The following SLC60A1 variants were observed in gnomAD, a reference collection of about 807,000 sequenced individuals.
SLC60A1 encodes the protein major facilitator superfamily domain containing 4.
the SLC60A1 span, among the ~76,000 whole-genome samples, chr1:205,590,983 G>T: frequency 1.3e-5 from 2 of 152,178 alleles, no homozygotes; most frequent in Non-Finnish European, 2.9e-5. Context: ...AGAGCAATCA[G>T]CTACTTCTGG....
the SLC60A1 span, among the ~76,000 whole-genome samples, chr1:205,574,262 C>T: frequency 6.6e-6 from 1 of 151,862 alleles, no homozygotes; most frequent in South Asian, 2.1e-4. Context: ...GCCTGGGCAA[C>T]ACAGTGAGAC....
the SLC60A1 span, chr1:205,583,834 G>C: frequency 1.5e-6 from 2 of 1,304,502 alleles, no homozygotes; most frequent in African/African-American, 2.9e-5. Context: ...CTTTTAGCTG[G>C]GCACCCTTAG....
At chr1:205,597,943 T>C in the SLC60A1 span, 5 of 1,329,478 alleles carry the variant, frequency 3.8e-6, no homozygotes, top group African/African-American at 7.2e-5. Context: ...GAACTCAAAC[T>C]GTCCCTTTCC....
the SLC60A1 span, among the ~76,000 whole-genome samples, chr1:205,591,840 A>T: frequency 2.0e-5 from 3 of 152,272 alleles, no homozygotes; most frequent in East Asian, 3.9e-4. Flanking sequence ...GACCTTGGGG[A>T]CAGGTAGTCC....
At chr1:205,598,164 TG>T in the SLC60A1 span, 7 of 289,024 alleles carry the variant, frequency 2.4e-5, no homozygotes, top group African/African-American at 6.6e-5. Context: ...TGAGATGGGT[TG>T]GAACTGCAGT....
the SLC60A1 span, chr1:205,600,625 C>A: frequency 1.6e-5 from 10 of 629,354 alleles, no homozygotes; most frequent in Non-Finnish European, 2.3e-5. Context: ...AGTCCTGGTA[C>A]CTGGTCAAAA....
At chr1:205,584,192 G>C in the SLC60A1 span, 1 of 1,389,374 alleles carries the variant, frequency 7.2e-7, no homozygotes, top group Non-Finnish European at 9.8e-7. Context: ...CCCTCTCCCA[G>C]AGAGAGTGAA....
At chr1:205,584,274 T>A in the SLC60A1 span, 3 of 881,674 alleles carry the variant, frequency 3.4e-6, no homozygotes, top group Non-Finnish European at 4.9e-6. Flanking sequence ...CAGGCTGGAG[T>A]GCAGTGGTGC....
the SLC60A1 span, chr1:205,585,962 T>G: frequency 5.4e-6 from 8 of 1,484,834 alleles, no homozygotes; most frequent in Non-Finnish European, 7.2e-6. This position sits in a 1 kb window ranked among gnomAD's most constrained non-coding sequence, Gnocchi z 4.2. Context: ...CTGCCCAGCC[T>G]GGGCTCCCTT....
the SLC60A1 span, among the ~76,000 whole-genome samples, chr1:205,589,802 C>T: frequency 1.3e-4 from 20 of 152,272 alleles, no homozygotes; most frequent in East Asian, 3.7e-3. Context: ...CAGACTGTAG[C>T]TGGCAAGAGT....
chr1:205,592,117 C>T, the SLC60A1 span: 8 of 1,612,938 alleles, frequency 5.0e-6, no homozygotes, highest in East Asian at 2.2e-5. Flanking sequence ...AATTCCTAAC[C>T]GCCTCCACCT....
At chr1:205,596,456 A>G in the SLC60A1 span, among the ~76,000 whole-genome samples, 92 of 141,646 alleles carry the variant, frequency 6.5e-4, 1 homozygote, top group Middle Eastern at 3.9e-3. Context: ...AAAATTAGCC[A>G]GGTGTGGTGG....
chr1:205,596,313 G>A, the SLC60A1 span, among the ~76,000 whole-genome samples: 1 of 152,086 alleles, frequency 6.6e-6, no homozygotes, highest in South Asian at 2.1e-4. Flanking sequence ...TGATATCACA[G>A]CACAGAGAAG....
the SLC60A1 span, among the ~76,000 whole-genome samples, chr1:205,588,469 C>CAAAAAAA: frequency 2.1e-3 from 172 of 83,560 alleles, no homozygotes; most frequent in East Asian, 4.2e-3. Context: ...GACTTCAAAT[C>CAAAAAAA]AAAAAAAAAA....
chr1:205,599,544 A>T, the SLC60A1 span, among the ~76,000 whole-genome samples: 1 of 152,168 alleles, frequency 6.6e-6, no homozygotes, highest in African/African-American at 2.4e-5. Flanking sequence ...CCACCATGTC[A>T]TGGGACCATG....
At chr1:205,573,248 TAAAAAA>T in the SLC60A1 span, among the ~76,000 whole-genome samples, 2 of 149,718 alleles carry the variant, frequency 1.3e-5, no homozygotes, top group South Asian at 4.2e-4. Context: ...CCATCTCTAC[TAAAAAA>T]AAAACAAAAA....
At chr1:205,596,326 A>G in the SLC60A1 span, among the ~76,000 whole-genome samples, 1 of 152,024 alleles carries the variant, frequency 6.6e-6, no homozygotes, top group Admixed American at 6.5e-5. Context: ...CAGAGAAGCA[A>G]CCCATCCAGG....
the SLC60A1 span, among the ~76,000 whole-genome samples, chr1:205,599,459 C>T: frequency 3.9e-5 from 6 of 152,162 alleles, no homozygotes; most frequent in Non-Finnish European, 7.3e-5. Context: ...TTAAGATAGG[C>T]GAGAGCTGGG....
At chr1:205,575,813 A>G in the SLC60A1 span, among the ~76,000 whole-genome samples, 2 of 152,180 alleles carry the variant, frequency 1.3e-5, no homozygotes, top group Non-Finnish European at 2.9e-5. Flanking sequence ...CAGACTGTCC[A>G]GGCTATATCT....
Sources: gnomAD v4.1 joint callset for allele counts (sites outside exome capture counted in the v4.1 genomes callset) on GRCh38, gnomAD v4.1.1 for gene constraint, Gnocchi (gnomAD v3.1) non-coding constraint, MANE v1.5 for transcripts, NCBI Gene and HGNC (gene_info 2026-07-23, HGNC 2026-07-21) for gene names.